AMZ1: variants seen among roughly 807,000 people sequenced by gnomAD.
AMZ1 encodes archaemetzincin-1.
A neutral mutation model predicts 29.9 loss-of-function variants in AMZ1; 39 were observed. The ratio of observed to expected loss-of-function variants is 1.30; its 90% CI spans 1.01 to 1.70. The LOEUF (loss-of-function observed/expected upper bound fraction) is 1.70. Among genes scored for constraint, AMZ1 ranks in the 40% most tolerant of loss-of-function variants. The probability of loss-of-function intolerance (pLI) is 0.00; values close to 1 mark genes in which losing one functional copy is unlikely to be tolerated. For missense variants in AMZ1, 1,041 were observed against 680.6 expected, an observed-to-expected ratio of 1.53 and a Z score of -5.89; for synonymous variants, 458 against 304.0, an observed-to-expected ratio of 1.51 and a Z score of -5.27.
At chr7:2,734,226 G>A (rs540823417) in intron 4 of AMZ1, among the ~76,000 whole-genome samples, 1 of 152,346 alleles carries the variant, frequency 6.6e-6, no homozygotes, top group South Asian at 2.1e-4. Flanking sequence ...CACGGGGCAC[G>A]GGAGGAGCCG....
At position 2,717,041 on chromosome 7, in the gene AMZ1, ACCCTGAT is replaced by A. The variant is rs1011101406; in HGVS notation, c.*4170_*4176del. 1.2e-4 allele frequency among the ~76,000 whole-genome samples: 18 copies of A among 152,256 alleles called. No individual in the cohort carries two copies. Among genetic ancestry groups the A allele is most frequent in the African/African-American group, 4.1e-4 (17 of 41,538 alleles). ...AGGCGCACGGACGCGGGAGGCCTGCACCCTGATCCCTGAGCAGCCCCCACACACCGGC... is the reference window on the plus strand; with the variant it reads ...AGGCGCACGGACGCGGGAGGCCTGCACCCTGAGCAGCCCCCACACACCGGC... On this transcript the variant is annotated 3_prime_UTR_variant, in exon 7 of 7. Coordinates refer to ENST00000683327, the MANE Select transcript of AMZ1 (RefSeq NM_001384743.1).
At position 2,734,352 on chromosome 7, in the gene AMZ1, G is replaced by A. The variant is rs151232523; in HGVS notation, n.550+24536G>A. 5.3e-3 allele frequency among the ~76,000 whole-genome samples: 811 copies of A among 152,314 alleles called. 5 individuals are homozygous for A. Among genetic ancestry groups the A allele is most frequent in the Non-Finnish European group, 8.5e-3 (580 of 68,024 alleles). On this transcript the variant is annotated intron_variant and non_coding_transcript_variant, in intron 4 of 4. Transcript: ENST00000489665. ...ACCACTTTCTATAAGATTCCACTTT[G>A]AACCCTGCTCTAAAGACAGACACCA... is the stretch of plus-strand genomic sequence containing the variant.
downstream of AMZ1, among the ~76,000 whole-genome samples, chr7:2,723,998 C>T (rs1789526349): frequency 6.6e-6 from 1 of 151,934 alleles, no homozygotes; most frequent in African/African-American, 2.4e-5. Context: ...TGTCCACCTC[C>T]TGGGTTCAGG....
intron 4 of AMZ1, among the ~76,000 whole-genome samples, chr7:2,741,223 C>A (rs535803624): frequency 6.6e-6 from 1 of 152,220 alleles, no homozygotes; most frequent in South Asian, 2.1e-4. Flanking sequence ...TGTGGCGGCA[C>A]GCACACCTGT....
At chr7:2,708,443 C>A in intron 3 of AMZ1, 145 bp from the exon 4 acceptor site, 1 of 1,258,664 alleles carries the variant, frequency 7.9e-7, no homozygotes, top group Non-Finnish European at 1.1e-6. Flanking sequence ...GCCCTCAGGT[C>A]ACACCAAACG....
At chr7:2,764,362 C>T (rs745799753), upstream of AMZ1, among the ~76,000 whole-genome samples, 9 of 151,868 alleles carry the variant, frequency 5.9e-5, no homozygotes, top group Admixed American at 2.6e-4. Flanking sequence ...GGATTCCAGG[C>T]GTGTGCTCCC....
At chr7:2,729,835 T>G (rs1789798126) in intron 4 of AMZ1, 1 of 152,330 alleles carries the variant, frequency 6.6e-6, no homozygotes, top group South Asian at 2.1e-4. Context: ...CAGCTTGGAA[T>G]GCAATGTATT....
intron 4 of AMZ1, among the ~76,000 whole-genome samples, chr7:2,758,851 A>C (rs570412429): frequency 2.6e-5 from 4 of 152,226 alleles, no homozygotes; most frequent in Non-Finnish European, 5.9e-5. Context: ...ATGTATCAAC[A>C]TGATGGGTCT....
At position 2,733,439 on chromosome 7, in the gene AMZ1, G is replaced by A. The variant is rs199581952; in HGVS notation, n.550+23623G>A. 3.0e-4 allele frequency: 478 copies of A among 1,612,388 alleles called. 1 individual carries two copies. Among genetic ancestry groups the A allele is most frequent in the Non-Finnish European group, 1.8e-4 (211 of 1,178,782 alleles). On this transcript the variant is annotated intron_variant and non_coding_transcript_variant, in intron 4 of 4. Coordinates refer to the AMZ1 transcript ENST00000489665. The stretch of plus-strand genomic sequence containing the variant: ...TGGAGCCCAGCTTCTTCGGGCGGGC[G>A]TGCTTACTCACCAGCTGGCCGATCC...
intron 2 of AMZ1, 127 bp downstream of exon 2, chr7:2,700,882 G>T: frequency 7.7e-7 from 1 of 1,299,318 alleles, no homozygotes; most frequent in Non-Finnish European, 1.0e-6. Context: ...GGGTGTATGG[G>T]ATGCCAGGGT....
chr7:2,707,187 G>C (rs55856640), intron 3 of AMZ1, among the ~76,000 whole-genome samples: 2,321 of 152,032 alleles, frequency 0.015, 70 homozygotes, highest in African/African-American at 0.054. Flanking sequence ...GCAGGAGAAT[G>C]GCTTGAACCT....
rs148403061 is a variant in AMZ1 at position 2,717,310 on chromosome 7, CA to C, written c.*4433del. ...AGAATCAGGGCTTCGCGACGGGGCT[CA>C]TAGACCTGAACTGGGTCTGCCTGCC... On this transcript the variant is annotated 3_prime_UTR_variant, in exon 7 of 7. Transcript: ENST00000683327. 9.1e-3 allele frequency among the ~76,000 whole-genome samples: 1,385 copies of C among 152,382 alleles called. 23 individuals carry two copies. The highest frequency in any genetic ancestry group is 0.031 in the African/African-American group (1,290 of 41,588).
downstream of AMZ1, among the ~76,000 whole-genome samples, chr7:2,720,591 G>C (rs1212034297): frequency 6.6e-6 from 1 of 151,950 alleles, no homozygotes. Context: ...TTTTAGTAGA[G>C]ACGGGGTTTT....
chr7:2,763,079 C>T (rs779148907), upstream of AMZ1: 42 of 1,248,584 alleles, frequency 3.4e-5, no homozygotes, highest in Non-Finnish European at 4.1e-5. Context: ...TCCCTACCAG[C>T]CTTGAGTGAG....
chr7:2,721,180 C>A (rs1053601153), downstream of AMZ1, among the ~76,000 whole-genome samples: 2 of 152,140 alleles, frequency 1.3e-5, no homozygotes, highest in Non-Finnish European at 2.9e-5. Flanking sequence ...GACGCCTGTG[C>A]CTGGGAGGGA....
rs1004019474 is a variant in AMZ1 at position 2,700,357 on chromosome 7, G to A, written c.-95G>A. 2.2e-5 allele frequency: 31 copies of A among 1,437,742 alleles called. No homozygotes were observed. Among genetic ancestry groups the A allele is most frequent in the African/African-American group, 1.3e-4 (9 of 70,692 alleles). 89.1% of individuals were successfully genotyped at this position (1,437,742 alleles called of 1,614,324 possible). A position where few individuals can be genotyped will look rare whatever the true frequency, so the allele number is the denominator to read the frequency against. On this transcript the variant is annotated 5_prime_UTR_variant, in exon 2 of 7. Coordinates refer to ENST00000683327, the MANE Select transcript of AMZ1 (RefSeq NM_001384743.1). ...CCCCGGTAGCCACTCGGATCAGCCC[G>A]AGGGAAGATTCTGGACGAGACCGTG...
chr7:2,699,267 G>T (rs1227411155), intron 1 of AMZ1, among the ~76,000 whole-genome samples: 1 of 152,168 alleles, frequency 6.6e-6, no homozygotes, highest in Non-Finnish European at 1.5e-5. Flanking sequence ...TCCTAAGTGT[G>T]GGGTTGCCTA....
At chr7:2,711,114 G>A (rs1412313797) in intron 6 of AMZ1, among the ~76,000 whole-genome samples, 1 of 152,210 alleles carries the variant, frequency 6.6e-6, no homozygotes, top group African/African-American at 2.4e-5. Context: ...TCCTCCTCCT[G>A]CCCAGAGCTC....
chr7:2,759,859 GCCC>G (rs137982510), upstream of AMZ1, among the ~76,000 whole-genome samples: 2,501 of 152,194 alleles, frequency 0.016, 87 homozygotes, highest in African/African-American at 0.057. Context: ...GCGATTGTCC[GCCC>G]CCGTCTCAGA....
Sources: allele counts gnomAD v4.1 joint callset (sites outside exome capture counted in the v4.1 genomes callset), GRCh38; gene constraint gnomAD v4.1.1; transcripts MANE v1.5; gene names NCBI Gene and HGNC (gene_info 2026-07-23, HGNC 2026-07-21).